The following TEX22 variants were observed in gnomAD, a reference collection of about 807,000 sequenced individuals.
The protein encoded by TEX22 is testis-expressed protein 22.
TEX22 carries 16 observed loss-of-function variants against 11.3 expected under a neutral mutation model. The observed-to-expected ratio is 1.42, with a 90% CI of 0.96 to 2.15. The LOEUF is 2.15. Among genes scored for constraint, TEX22 ranks in the 30% most tolerant of loss-of-function variants. The pLI is 0.00. For synonymous variants in TEX22, 97 were observed against 92.3 expected (o/e 1.05, Z -0.29); for missense variants, 220 against 208.6 (o/e 1.05, Z -0.34).
intron 2 of TEX22, among the ~76,000 whole-genome samples, chr14:105,410,964 A>G (rs1555419278): frequency 1.3e-5 from 2 of 152,040 alleles, no homozygotes; most frequent in African/African-American, 4.8e-5. Context: ...AACTCTCTTT[A>G]TGATCATTTC....
At chr14:105,411,636 C>T (rs1278554770) in intron 3 of TEX22, 24 bp from the exon 4 acceptor site, 2 of 1,517,764 alleles carry the variant, frequency 1.3e-6, no homozygotes, top group Non-Finnish European at 8.8e-7. Context: ...CCCCTCGAGG[C>T]TCCCTGACCA....
chr14:105,413,568 C>T lies in TEX22; in HGVS notation c.*1735C>T, dbSNP rs1455494722. On this transcript the variant is annotated 3_prime_UTR_variant, in exon 4 of 4. Coordinates refer to ENST00000451127, the MANE Select transcript of TEX22 (RefSeq NM_001195082.2). The surrounding 1 kb of genome is among the most constrained non-coding windows in gnomAD (Gnocchi z 4.2). ...GTGGTGGTCCAGGATGCTGGTGATG[C>T]TGGGATGGTTGCCCTCTCTGCTCCA... The T allele has an allele frequency of 6.6e-6, 1 of 152,344 alleles. No homozygotes were observed. The highest frequency in any genetic ancestry group is 1.5e-5 in the Non-Finnish European group (1 of 68,154). 9.4% of individuals were successfully genotyped at this position (152,344 alleles called of 1,614,324 possible).
intron 2 of TEX22, among the ~76,000 whole-genome samples, chr14:105,410,407 T>C (rs1354464758): frequency 6.6e-6 from 1 of 152,222 alleles, no homozygotes; most frequent in East Asian, 1.9e-4. Context: ...CTTAATAATA[T>C]TCCATTTTCT....
chr14:105,408,394 A>G (rs1174101689), intron 2 of TEX22, among the ~76,000 whole-genome samples: 1 of 151,638 alleles, frequency 6.6e-6, no homozygotes, highest in Non-Finnish European at 1.5e-5. Flanking sequence ...GGCACCCACC[A>G]CCACACCCAG....
At chr14:105,411,288 A>G in intron 2 of TEX22, 80 bp from the exon 3 acceptor site, 2 of 1,219,368 alleles carry the variant, frequency 1.6e-6, no homozygotes, top group Non-Finnish European at 1.0e-6. Flanking sequence ...GCGAGCTCTG[A>G]GGGTCGGCGG....
intron 2 of TEX22, among the ~76,000 whole-genome samples, chr14:105,406,975 G>T (rs1316514690): frequency 1.3e-5 from 2 of 152,064 alleles, no homozygotes; most frequent in African/African-American, 4.8e-5. Context: ...TAAAGCTCCA[G>T]CTTCTCGCAG....
At chr14:105,404,237 C>T (rs1177642389) in intron 2 of TEX22, among the ~76,000 whole-genome samples, 1 of 152,158 alleles carries the variant, frequency 6.6e-6, no homozygotes, top group Non-Finnish European at 1.5e-5. Context: ...AGGCTCAGCT[C>T]CTTACCACGT....
chr14:105,399,541 C>A (rs1257479182), intron 2 of TEX22, 51 bp downstream of exon 2: 4 of 1,472,920 alleles, frequency 2.7e-6, no homozygotes, highest in Non-Finnish European at 3.6e-6. Context: ...CCCAGCCCGC[C>A]TGAGGCCGCT....
intron 2 of TEX22, among the ~76,000 whole-genome samples, chr14:105,409,780 T>G: frequency 6.8e-6 from 1 of 147,484 alleles, no homozygotes; most frequent in South Asian, 2.1e-4. Flanking sequence ...TTTCTTTCTC[T>G]CTCTCTTTTT....
intron 2 of TEX22, among the ~76,000 whole-genome samples, chr14:105,401,905 G>A (rs1277910074): frequency 1.3e-5 from 2 of 152,182 alleles, no homozygotes; most frequent in Non-Finnish European, 1.5e-5. Flanking sequence ...CAGAAAAATC[G>A]CCAGGTGCGG....
chr14:105,407,600 T>C (rs781822324), intron 2 of TEX22, among the ~76,000 whole-genome samples: 7 of 152,182 alleles, frequency 4.6e-5, no homozygotes, highest in Non-Finnish European at 7.3e-5. Context: ...ACTTCTCTGC[T>C]GAGGTCAAGC....
At chr14:105,402,765 A>AG (rs1377490882) in intron 2 of TEX22, among the ~76,000 whole-genome samples, 1 of 152,110 alleles carries the variant, frequency 6.6e-6, no homozygotes, top group Non-Finnish European at 1.5e-5. Flanking sequence ...CAAAAAAAAA[A>AG]AAAAAAAAAG....
At chr14:105,409,339 A>C (rs781817177) in intron 2 of TEX22, among the ~76,000 whole-genome samples, 1 of 152,064 alleles carries the variant, frequency 6.6e-6, no homozygotes, top group Non-Finnish European at 1.5e-5. Context: ...AAAGATATGA[A>C]AATATCTTTA....
intron 2 of TEX22, among the ~76,000 whole-genome samples, chr14:105,402,437 AG>A (rs781860796): frequency 3.5e-4 from 54 of 152,244 alleles, no homozygotes; most frequent in Non-Finnish European, 6.9e-4. Context: ...ACTTAGCAAC[AG>A]GAACTATGAA....
At chr14:105,409,595 G>A (rs1555419142) in intron 2 of TEX22, among the ~76,000 whole-genome samples, 1 of 150,878 alleles carries the variant, frequency 6.6e-6, no homozygotes, top group African/African-American at 2.4e-5. Context: ...TGAACTCCTG[G>A]GGAGTTCAAG....
At chr14:105,411,521 G>GGGGCCCCCCCCCCCC in intron 3 of TEX22, 25 bp downstream of exon 3, 1 of 458,520 alleles carries the variant, frequency 2.2e-6, no homozygotes. Context: ...GGTCCTCCCC[G>GGGGCCCCCCCCCCCC]CCCCGTCCCC....
chr14:105,399,146 T>C (rs2081607382), intron 1 of TEX22, among the ~76,000 whole-genome samples, 156 bp from the exon 2 acceptor site: 1 of 152,158 alleles, frequency 6.6e-6, no homozygotes, highest in South Asian at 2.1e-4. Context: ...GGGGATCCAC[T>C]CCACCCAGAG....
At position 105,411,475 on chromosome 14, in the gene TEX22, C is replaced by T. The variant is rs1222501848; in HGVS notation, c.258C>T (p.Ala86=). 156 of 1,233,898 alleles carry T rather than the reference C, an allele frequency of 1.3e-4. No homozygotes were observed. Among genetic ancestry groups the T allele is most frequent in the Non-Finnish European group, 1.5e-4 (147 of 990,606 alleles). The allele number at this position is 1,233,898 out of a possible 1,614,324, so 76.4% of individuals were successfully genotyped here. ...GCGGCCGGGAGAGGCCGGGCGCCGC[C>T]GGGACCCAGCTGCACTGCAGGGTGC... ...TLGGRERPGA[A]GTQLHCRDVV... The change falls in exon 3 of 4, where the codon GCC becomes GCT. Residue 86 remains alanine (A), a synonymous_variant. Transcript: ENST00000451127.
At chr14:105,411,116 C>T (rs1383258891) in intron 2 of TEX22, among the ~76,000 whole-genome samples, 1 of 152,232 alleles carries the variant, frequency 6.6e-6, no homozygotes, top group African/African-American at 2.4e-5. Context: ...CCACAGGCAG[C>T]CCTGCTGTAC....
Sources: gnomAD v4.1 joint callset for allele counts (sites outside exome capture counted in the v4.1 genomes callset) on GRCh38, gnomAD v4.1.1 for gene constraint, Gnocchi (gnomAD v3.1) non-coding constraint, MANE v1.5 for transcripts, NCBI Gene and HGNC (gene_info 2026-07-23, HGNC 2026-07-21) for gene names.